UBR3: variants seen among roughly 807,000 people sequenced by gnomAD.
UBR3 encodes ubiquitin protein ligase E3 component n-recognin 3, also known as E3 ubiquitin-protein ligase UBR3.
A neutral mutation model predicts 243.2 loss-of-function variants in UBR3; 85 were observed. The observed-to-expected ratio is 0.35, with a 90% CI of 0.29 to 0.42. The LOEUF is 0.42. Among genes scored for constraint, UBR3 ranks in the 10% least tolerant of loss-of-function variants. UBR3 has a pLI of 1.00. For missense variants in UBR3, 1,686 were observed against 2,300.8 expected (o/e 0.73, Z 5.47); for synonymous variants, 748 against 799.8 (o/e 0.94, Z 1.09).
intron 23 of UBR3, among the ~76,000 whole-genome samples, chr2:169,950,837 T>C (rs557309461): frequency 1.0e-3 from 154 of 152,016 alleles, no homozygotes; most frequent in Non-Finnish European, 1.7e-3. Context: ...TCTTGAGAGA[T>C]TGAAACTCTG....
At chr2:170,017,523 A>G (rs1335144858) in intron 30 of UBR3, among the ~76,000 whole-genome samples, 1 of 14,508 alleles carries the variant, frequency 6.9e-5, no homozygotes, top group South Asian at 5.0e-3. Flanking sequence ...ATAATTACGG[A>G]CACACACACA....
At chr2:169,837,924 G>C (rs946689634) in intron 1 of UBR3, among the ~76,000 whole-genome samples, 1 of 152,136 alleles carries the variant, frequency 6.6e-6, no homozygotes, top group Non-Finnish European at 1.5e-5. Flanking sequence ...CCAAACCTAT[G>C]TGTGTCCTAA....
At chr2:169,998,720 T>C (rs73017688) in intron 26 of UBR3, among the ~76,000 whole-genome samples, 6,519 of 152,304 alleles carry the variant, frequency 0.043, 154 homozygotes, top group Middle Eastern at 0.061. Context: ...ATTAAATGCA[T>C]GCATTTTACA....
At chr2:169,899,568 T>A (rs1398451567) in intron 8 of UBR3, among the ~76,000 whole-genome samples, 1 of 152,174 alleles carries the variant, frequency 6.6e-6, no homozygotes, top group East Asian at 1.9e-4. Context: ...CGCAGGTTTG[T>A]TACCTAGGTA....
intron 8 of UBR3, among the ~76,000 whole-genome samples, chr2:169,897,008 A>G (rs2084616407): frequency 6.6e-6 from 1 of 152,148 alleles, no homozygotes; most frequent in South Asian, 2.1e-4. Context: ...GTTATTCACA[A>G]ATACCTGTTG....
rs535757391 is a variant in UBR3, at chr2:170,061,324, C to G, written c.4900C>G (p.Pro1634Ala). ...TTTTCTTTTTTAACTTTAGGTTAACCCTATTGCTTGGTCTCCTGAATCCAT... is the reference window on the plus strand; with the variant it reads ...TTTTCTTTTTTAACTTTAGGTTAACGCTATTGCTTGGTCTCCTGAATCCAT... ...EGTQECAMVN[P>A]IAWSPESMEK... The change falls in exon 35 of 39, where the codon CCT becomes GCT. Residue 1634 changes from proline to alanine, a missense_variant. Pro to Ala is a conservative substitution (Grantham distance 27). This residue lies in a region of UBR3 where 371 missense variants were observed against 422.5 expected (regional missense o/e 0.88). Transcript: ENST00000272793. 14 of 1,613,660 alleles carry G rather than the reference C, an allele frequency of 8.7e-6. No individual in the cohort carries two copies. Among genetic ancestry groups the G allele is most frequent in the Admixed American group, 1.7e-5 (1 of 59,976 alleles).
intron 24 of UBR3, among the ~76,000 whole-genome samples, chr2:169,979,763 C>A (rs1021632581): frequency 4.6e-5 from 7 of 152,116 alleles, no homozygotes; most frequent in African/African-American, 1.7e-4. Flanking sequence ...ATAAATGAAA[C>A]ATGGGAGTTT....
At chr2:170,011,616 T>C (rs2090082934) in intron 29 of UBR3, among the ~76,000 whole-genome samples, 1 of 146,510 alleles carries the variant, frequency 6.8e-6, no homozygotes, top group African/African-American at 2.6e-5. Flanking sequence ...TGGTGAGTTT[T>C]ACAGCTTTTC....
chr2:169,916,446 T>G (rs2085467570), intron 11 of UBR3, among the ~76,000 whole-genome samples: 1 of 151,924 alleles, frequency 6.6e-6, no homozygotes, highest in Non-Finnish European at 1.5e-5. Flanking sequence ...CTCATCCTAT[T>G]CCCCCTTTTC....
Position 169,906,148 on chromosome 2 carries a change from C to T in UBR3, c.1763C>T (p.Ser588Leu). The change falls in exon 10 of 39, where the codon TCA (serine) becomes TTA (leucine). Residue 588 changes from serine to leucine, a missense_variant. Around this residue, in one of 8 missense-constraint regions of UBR3, gnomAD observed 346 missense variants for 585.8 expected, o/e 0.59. Transcript: ENST00000272793. ...GCACAGCCAATGTGGGGGCTTTTATCACATTGTAAAGTTAGGGTATGTTGG... is the reference window on the plus strand; with the variant it reads ...GCACAGCCAATGTGGGGGCTTTTATTACATTGTAAAGTTAGGGTATGTTGG... ...ACAQPMWGLL[S>L]HCKVRETQEY... 1 of 1,545,396 alleles carries T rather than the reference C, an allele frequency of 6.5e-7. No individual in the cohort carries two copies. Among genetic ancestry groups the T allele is most frequent in the Non-Finnish European group, 8.7e-7 (1 of 1,145,366 alleles).
At chr2:169,871,515 G>T (rs867774763) in intron 1 of UBR3, among the ~76,000 whole-genome samples, 4 of 151,606 alleles carry the variant, frequency 2.6e-5, no homozygotes, top group African/African-American at 9.7e-5. Flanking sequence ...GGGCCGAGGC[G>T]GGCGGAGCAC....
intron 19 of UBR3, among the ~76,000 whole-genome samples, chr2:169,937,038 G>C (rs2086365317): frequency 6.6e-6 from 1 of 152,198 alleles, no homozygotes; most frequent in African/African-American, 2.4e-5. Flanking sequence ...TATATACCCA[G>C]TAATAGGATG....
At chr2:169,857,064 GTTTTTTTTTT>G (rs770674966) in intron 1 of UBR3, among the ~76,000 whole-genome samples, 3 of 56,094 alleles carry the variant, frequency 5.3e-5, no homozygotes, top group African/African-American at 1.4e-4. Flanking sequence ...ATTTTATTAT[GTTTTTTTTTT>G]TTTTTTTTTT....
Position 169,949,570 on chromosome 2 carries a change from C to T in UBR3, c.3085-35C>T, listed in dbSNP as rs1445894295. The T allele has an allele frequency of 6.8e-6, 10 of 1,471,366 alleles. No homozygotes were observed. The South Asian group carries it at 1.4e-4, about 21-fold the overall frequency. The allele number at this position is 1,471,366 out of a possible 1,614,324, so 91.1% of individuals were successfully genotyped here. ...TTTAAAATGATGCTAAATAACTTCT[C>T]TTGATTTTTCTTTGTTTCTCTTTGT... is the stretch of plus-strand genomic sequence containing the variant. On this transcript the variant is annotated intron_variant, in intron 22 of 38. Coordinates refer to ENST00000272793, the MANE Select transcript of UBR3 (RefSeq NM_172070.4).
chr2:169,859,225 C>CCATG (rs1444121151), intron 1 of UBR3, among the ~76,000 whole-genome samples: 1 of 151,838 alleles, frequency 6.6e-6, no homozygotes, highest in African/African-American at 2.4e-5. Context: ...GCACCCACCA[C>CCATG]CATGCCTGGC....
chr2:170,043,567 ATATCAT>A (rs1210302639), intron 32 of UBR3, among the ~76,000 whole-genome samples: 1 of 152,206 alleles, frequency 6.6e-6, no homozygotes, highest in Non-Finnish European at 1.5e-5. Flanking sequence ...CCTTAAAGTA[ATATCAT>A]TAAAGAAGAG....
chr2:169,990,516 G>A (rs1410244356), intron 25 of UBR3, among the ~76,000 whole-genome samples: 2 of 152,062 alleles, frequency 1.3e-5, no homozygotes, highest in African/African-American at 4.8e-5. Flanking sequence ...GGAAAGAACT[G>A]TATATCTAGA....
intron 18 of UBR3, among the ~76,000 whole-genome samples, chr2:169,930,721 A>C (rs749032430): frequency 6.6e-6 from 1 of 152,144 alleles, no homozygotes; most frequent in Non-Finnish European, 1.5e-5. Flanking sequence ...CTTATCTGTA[A>C]AATAAGTTTT....
intron 1 of UBR3, among the ~76,000 whole-genome samples, chr2:169,859,964 G>T (rs548894897): frequency 2.6e-5 from 4 of 152,128 alleles, no homozygotes; most frequent in East Asian, 1.9e-4. Context: ...TGATCCACCC[G>T]CCTCGGCCTC....
Sources: allele counts gnomAD v4.1 joint callset (sites outside exome capture counted in the v4.1 genomes callset), GRCh38; gene constraint gnomAD v4.1.1; regional missense constraint gnomAD v4.1.1; transcripts MANE v1.5; gene names NCBI Gene and HGNC (gene_info 2026-07-23, HGNC 2026-07-21).